Variants in NANOS3 observed in about 807,000 individuals in gnomAD.
NANOS3 encodes the protein nanos C2HC-type zinc finger 3, also known as nanos homolog 3.
In NANOS3, 11 loss-of-function variants were observed where a neutral mutation model predicts 13.8. That is an observed-to-expected ratio of 0.80 (90% CI 0.50 to 1.32). The LOEUF is 1.32. Ranked by LOEUF, NANOS3 falls within the 40% of genes most tolerant of loss-of-function variation. NANOS3 has a pLI of 0.00. For missense variants in NANOS3, 221 were observed against 263.8 expected (o/e 0.84, Z 1.12); for synonymous variants, 119 against 115.4 (o/e 1.03, Z -0.20).
At chr19:13,873,080 C>T (rs1378927211), upstream of NANOS3, among the ~76,000 whole-genome samples, 2 of 151,450 alleles carry the variant, frequency 1.3e-5, no homozygotes, top group African/African-American at 4.9e-5. Flanking sequence ...GTGGAGGGCT[C>T]TAAGGGGGCG....
At chr19:13,865,470 G>C (rs916282480) in intron 1 of NANOS3, 3 of 144,268 alleles carry the variant, frequency 2.1e-5, no homozygotes, top group African/African-American at 2.5e-5. Flanking sequence ...CCGGGGGCAC[G>C]GGCGGGGCGG....
chr19:13,867,691 A>T (rs966060534), intron 1 of NANOS3, among the ~76,000 whole-genome samples: 12 of 152,078 alleles, frequency 7.9e-5, no homozygotes, highest in African/African-American at 2.9e-4. Context: ...CCTCCCGAGT[A>T]GCAGGTCTCA....
At chr19:13,872,271 G>A (rs187104942), upstream of NANOS3, among the ~76,000 whole-genome samples, 2 of 151,122 alleles carry the variant, frequency 1.3e-5, no homozygotes, top group African/African-American at 4.9e-5. Context: ...CTTGAACCCA[G>A]GAGGTGGAAA....
At position 13,871,904 on chromosome 19, in the gene NANOS3, T is replaced by TGGGA. The variant is rs1976333119; in HGVS notation, n.22-5761_22-5758dup. ...ATCCCAGCTACTTGGGAAGCTAAGGTGGGAGGATTGGTTGGGGCTGGGAGG... is the reference window on the plus strand; with the variant it reads ...ATCCCAGCTACTTGGGAAGCTAAGGTGGGAGGGAGGATTGGTTGGGGCTGGGAGG... On this transcript the variant is annotated intron_variant and non_coding_transcript_variant, in intron 1 of 2. Coordinates refer to the NANOS3 transcript ENST00000591161. Among the ~76,000 whole-genome samples, 14 of 151,940 alleles carry TGGGA rather than the reference T, an allele frequency of 9.2e-5. No individual in the cohort carries two copies. The South Asian group carries it at 2.9e-3, about 32-fold the overall frequency.
At chr19:13,879,094 C>T (rs1184962402) in intron 1 of NANOS3, among the ~76,000 whole-genome samples, 2 of 152,066 alleles carry the variant, frequency 1.3e-5, no homozygotes, top group African/African-American at 4.8e-5. Flanking sequence ...CACCCACCAC[C>T]ACGCACGGCT....
upstream of NANOS3, among the ~76,000 whole-genome samples, chr19:13,873,037 C>G (rs12052136): frequency 0.17 from 25,520 of 149,298 alleles, 2,258 homozygotes; most frequent in East Asian, 0.28. Flanking sequence ...GGGGGCAGGA[C>G]GCAGTCCCGG....
chr19:13,876,746 G>A (rs763519785), upstream of NANOS3, among the ~76,000 whole-genome samples: 1 of 152,226 alleles, frequency 6.6e-6, no homozygotes, highest in South Asian at 2.1e-4. Context: ...CCGCCCAGGG[G>A]AAGGAAGAAA....
intron 1 of NANOS3, among the ~76,000 whole-genome samples, chr19:13,868,793 G>A (rs950375642): frequency 6.6e-6 from 1 of 151,962 alleles, no homozygotes; most frequent in Non-Finnish European, 1.5e-5. Context: ...GTCACTCATA[G>A]TGACACCAGC....
chr19:13,875,768 T>TC (rs919814019), upstream of NANOS3, among the ~76,000 whole-genome samples: 4 of 152,150 alleles, frequency 2.6e-5, no homozygotes, highest in South Asian at 2.1e-4. Flanking sequence ...CAGGCTGGTC[T>TC]CCAACTCCTA....
In NANOS3 at chr19:13,877,231, G is replaced by A; in HGVS notation, c.-18G>A. The stretch of plus-strand genomic sequence containing the variant: ...CTTGTCTCTGTGACTCCTTCCGCCT[G>A]GCACATGCTGCCCAGCTATGGGGAC... On this transcript the variant is annotated 5_prime_UTR_variant, in exon 1 of 2. Coordinates refer to ENST00000339133, the MANE Select transcript of NANOS3 (RefSeq NM_001098622.3). 1 of 1,591,806 alleles carries A rather than the reference G, an allele frequency of 6.3e-7. No homozygotes were observed.
chr19:13,866,940 TCA>T (rs1976251049), intron 1 of NANOS3, among the ~76,000 whole-genome samples: 2 of 151,968 alleles, frequency 1.3e-5, no homozygotes, highest in Non-Finnish European at 2.9e-5. Flanking sequence ...TGACAGCAGG[TCA>T]CACATAATCT....
At chr19:13,870,678 G>A (rs1433884601) in intron 1 of NANOS3, among the ~76,000 whole-genome samples, 2 of 142,982 alleles carry the variant, frequency 1.4e-5, no homozygotes, top group African/African-American at 2.6e-5. Context: ...AGCAATTCTC[G>A]TGCCTCAGCC....
intron 1 of NANOS3, among the ~76,000 whole-genome samples, chr19:13,879,687 C>T (rs893824441): frequency 1.3e-5 from 2 of 151,528 alleles, no homozygotes; most frequent in African/African-American, 4.9e-5. Context: ...GAGATGGTGC[C>T]ACTGCACTGC....
At position 13,877,358 on chromosome 19, in the gene NANOS3, A is replaced by G; in HGVS notation, c.110A>G (p.Glu37Gly). The G allele has an allele frequency of 1.2e-6, 2 of 1,600,246 alleles. No individual in the cohort carries two copies. The highest frequency in any genetic ancestry group is 1.7e-6 in the Non-Finnish European group (2 of 1,177,686). Residue 37 changes from glutamate to glycine, a missense_variant, in exon 1 of 2, where the codon GAG becomes GGG. Transcript: ENST00000339133. ...AGGCTGAGCCCCCAGCCAGAGCCAG[A>G]GCCAATGCTGGAGCCGGTGTCAGCC... ...ETRLSPQPEP[E>G]PMLEPVSALE...
At chr19:13,862,402 C>T (rs1234986999), upstream of NANOS3, among the ~76,000 whole-genome samples, 1 of 152,094 alleles carries the variant, frequency 6.6e-6, no homozygotes, top group Non-Finnish European at 1.5e-5. Context: ...GCCTCCACAG[C>T]TGGGAGGGCG....
intron 1 of NANOS3, among the ~76,000 whole-genome samples, chr19:13,880,166 C>T (rs1303732105): frequency 6.6e-6 from 1 of 152,214 alleles, no homozygotes; most frequent in African/African-American, 2.4e-5. Flanking sequence ...TTCTGATGAA[C>T]AACTTTTGGG....
chr19:13,863,598 C>T (rs539198728), upstream of NANOS3, among the ~76,000 whole-genome samples: 36 of 147,592 alleles, frequency 2.4e-4, no homozygotes, highest in African/African-American at 8.3e-4. Context: ...AGCTGACTGG[C>T]CCCCCCCAAC....
upstream of NANOS3, among the ~76,000 whole-genome samples, chr19:13,864,680 T>G (rs191524621): frequency 6.6e-6 from 1 of 152,094 alleles, no homozygotes; most frequent in Non-Finnish European, 1.5e-5. Context: ...TGTGATCTCC[T>G]GCGTGTCCGT....
At chr19:13,866,779 A>G (rs190037639) in intron 1 of NANOS3, among the ~76,000 whole-genome samples, 45 of 152,202 alleles carry the variant, frequency 3.0e-4, no homozygotes, top group African/African-American at 1.0e-3. Flanking sequence ...CTCCGACTCC[A>G]TCGTTCACAA....
Sources: allele counts gnomAD v4.1 joint callset (sites outside exome capture counted in the v4.1 genomes callset), GRCh38; gene constraint gnomAD v4.1.1; transcripts MANE v1.5; gene names NCBI Gene and HGNC (gene_info 2026-07-23, HGNC 2026-07-21).